CCDC148: variants seen among roughly 807,000 people sequenced by gnomAD.
CCDC148 encodes coiled-coil domain containing 148.
Under a neutral mutation model 85.7 loss-of-function variants are expected in CCDC148, and 89 were observed. The ratio of observed to expected loss-of-function variants is 1.04; its 90% CI spans 0.87 to 1.24. The LOEUF is 1.24. CCDC148 is among the 50% of genes most tolerant of loss of function. The pLI is 0.00. For missense variants in CCDC148, 692 were observed against 671.7 expected, an observed-to-expected ratio of 1.03 and a Z score of -0.33; for synonymous variants, 230 against 213.9, an observed-to-expected ratio of 1.08 and a Z score of -0.66.
At chr2:158,353,729 A>T (rs1683458890) in intron 2 of CCDC148, among the ~76,000 whole-genome samples, 1 of 152,194 alleles carries the variant, frequency 6.6e-6, no homozygotes, top group Non-Finnish European at 1.5e-5. Flanking sequence ...AAGCAGACCT[A>T]ATAGATATCT....
chr2:158,241,601 G>A (rs184523151), intron 10 of CCDC148, among the ~76,000 whole-genome samples: 7 of 152,218 alleles, frequency 4.6e-5, no homozygotes, highest in African/African-American at 1.7e-4. Context: ...GCAAATGAAT[G>A]AATGATCATT....
At chr2:158,220,481 G>T in intron 11 of CCDC148, 114 bp downstream of exon 11, 1 of 680,674 alleles carries the variant, frequency 1.5e-6, no homozygotes. Context: ...TATAAATATT[G>T]AAAGGATACA....
At chr2:158,345,143 TAGAAC>T in intron 3 of CCDC148, 67 bp downstream of exon 3, 1 of 1,035,384 alleles carries the variant, frequency 9.7e-7, no homozygotes, top group Non-Finnish European at 1.4e-6. Context: ...TGGAACATTA[TAGAAC>T]ATCTGACAAG....
At chr2:158,379,436 G>A (rs370633077) in intron 1 of CCDC148, among the ~76,000 whole-genome samples, 13 of 152,102 alleles carry the variant, frequency 8.5e-5, no homozygotes, top group Admixed American at 2.0e-4. Context: ...AAAGGATTTC[G>A]AATATTATAT....
rs1008695765 is a variant in CCDC148, at chr2:158,455,189, C to T, written c.25+1226G>A. Among the ~76,000 whole-genome samples the T allele has an allele frequency of 4.6e-5, 7 of 152,248 alleles. No individual in the cohort carries two copies. The East Asian group carries it at 7.7e-4, about 17-fold the overall frequency. Reference sequence around the variant, plus strand: ...TTTCTGTTCTATAAACAAAAACACACATTAAAAAGCCGGAAGAAGTAAAAA... The same window carrying T: ...TTTCTGTTCTATAAACAAAAACACATATTAAAAAGCCGGAAGAAGTAAAAA... On this transcript the variant is annotated intron_variant, in intron 1 of 13. Transcript: ENST00000283233.
chr2:158,408,368 T>G (rs142845320), intron 1 of CCDC148, among the ~76,000 whole-genome samples: 1 of 152,158 alleles, frequency 6.6e-6, no homozygotes. Context: ...TTTGTACCCT[T>G]TGACCAATAT....
intron 1 of CCDC148, chr2:158,420,167 A>C (rs1267696854): frequency 3.3e-5 from 5 of 152,214 alleles, no homozygotes; most frequent in African/African-American, 9.6e-5. Flanking sequence ...AAGTTGGAAA[A>C]CACTCTGCAG....
At chr2:158,419,783 G>T (rs1686682788) in intron 1 of CCDC148, among the ~76,000 whole-genome samples, 1 of 152,086 alleles carries the variant, frequency 6.6e-6, no homozygotes, top group South Asian at 2.1e-4. Flanking sequence ...TTAGAAACTG[G>T]ATAACCATCC....
chr2:158,439,480 GT>G, intron 1 of CCDC148, among the ~76,000 whole-genome samples: 1 of 152,250 alleles, frequency 6.6e-6, no homozygotes, highest in Non-Finnish European at 1.5e-5. Context: ...CTGTCGTGGG[GT>G]GGCGGCAGGG....
At chr2:158,387,680 A>C in intron 1 of CCDC148, among the ~76,000 whole-genome samples, 1 of 149,030 alleles carries the variant, frequency 6.7e-6, no homozygotes, top group Non-Finnish European at 1.5e-5. Flanking sequence ...CCTGCTTTCC[A>C]CTCCAGTTGA....
intron 9 of CCDC148, among the ~76,000 whole-genome samples, chr2:158,254,523 A>G (rs1688931473): frequency 6.6e-6 from 1 of 151,626 alleles, no homozygotes; most frequent in Non-Finnish European, 1.5e-5. Flanking sequence ...TTTCCATACT[A>G]AAAAATGTAT....
intron 1 of CCDC148, among the ~76,000 whole-genome samples, chr2:158,428,326 AC>A (rs1687170340): frequency 6.6e-6 from 1 of 152,178 alleles, no homozygotes; most frequent in Non-Finnish European, 1.5e-5. Flanking sequence ...CAGGGATTGC[AC>A]GGAATAAGAA....
chr2:158,217,364 G>T (rs916441697), intron 11 of CCDC148, among the ~76,000 whole-genome samples: 3 of 66,878 alleles, frequency 4.5e-5, no homozygotes, highest in East Asian at 4.1e-4. Flanking sequence ...ATAAAATTTT[G>T]TGTGTGTGTG....
At chr2:158,292,704 A>G (rs1690950548) in intron 9 of CCDC148, among the ~76,000 whole-genome samples, 1 of 152,218 alleles carries the variant, frequency 6.6e-6, no homozygotes, top group South Asian at 2.1e-4. Context: ...AGAAAAGTAT[A>G]TATAGAAACC....
At chr2:158,349,711 T>C (rs376790064) in intron 2 of CCDC148, among the ~76,000 whole-genome samples, 1 of 152,036 alleles carries the variant, frequency 6.6e-6, no homozygotes, top group African/African-American at 2.4e-5. Context: ...AAAAATAATG[T>C]ACAGCAATAT....
At chr2:158,450,537 G>A (rs1394377275) in intron 1 of CCDC148, among the ~76,000 whole-genome samples, 4 of 152,144 alleles carry the variant, frequency 2.6e-5, no homozygotes, top group African/African-American at 7.2e-5. Context: ...GTCCACTTAC[G>A]GTAAGTGTCA....
chr2:158,180,953 C>T (rs1348883195), intron 11 of CCDC148, among the ~76,000 whole-genome samples: 2 of 152,098 alleles, frequency 1.3e-5, no homozygotes, highest in East Asian at 1.9e-4. Flanking sequence ...CCAGAATGCT[C>T]CCTTTCTCTC....
intron 1 of CCDC148, among the ~76,000 whole-genome samples, chr2:158,430,654 G>A (rs950149246): frequency 6.6e-6 from 1 of 152,066 alleles, no homozygotes; most frequent in African/African-American, 2.4e-5. Context: ...AATATTTAAG[G>A]TGATGTATAT....
intron 1 of CCDC148, among the ~76,000 whole-genome samples, chr2:158,359,283 A>T (rs992166868): frequency 6.6e-6 from 1 of 152,236 alleles, no homozygotes; most frequent in South Asian, 2.1e-4. Flanking sequence ...TGTGTCATAT[A>T]AAGTAATTGG....
Sources: gnomAD v4.1 joint callset for allele counts (sites outside exome capture counted in the v4.1 genomes callset) on GRCh38, gnomAD v4.1.1 for gene constraint, MANE v1.5 for transcripts, NCBI Gene and HGNC (gene_info 2026-07-23, HGNC 2026-07-21) for gene names.